Variants in KPNA3 observed in about 807,000 individuals in gnomAD.
KPNA3 encodes the protein importin subunit alpha-4.
A neutral mutation model predicts 73.8 loss-of-function variants in KPNA3; 13 were observed. That is an observed-to-expected ratio of 0.18 (90% confidence interval 0.11 to 0.28). The LOEUF (loss-of-function observed/expected upper bound fraction) is 0.28. KPNA3 is among the 10% of genes least tolerant of loss of function. KPNA3 has a pLI of 1.00. For synonymous variants in KPNA3, 186 were observed against 206.9 expected (o/e 0.90, Z 0.87); for missense variants, 360 against 618.1 (o/e 0.58, Z 4.43).
rs1048963592 is a variant in KPNA3 at position 49,757,185 on chromosome 13, T to C, written c.70-10192A>G. 2.6e-5 allele frequency among the ~76,000 whole-genome samples: 4 copies of C among 152,070 alleles called. No individual in the cohort carries two copies. The South Asian group carries it at 6.2e-4, about 24-fold the overall frequency. ...TCCATAACAGAAATAGTTGGTAAAC[T>C]AGACCTCATCAAAATAAAAAACTAT... On this transcript the variant is annotated intron_variant, in intron 1 of 16. Transcript: ENST00000261667.
intron 9 of KPNA3, 139 bp downstream of exon 9, chr13:49,721,816 T>C (rs528561287): frequency 3.7e-6 from 2 of 542,692 alleles, no homozygotes; most frequent in Non-Finnish European, 5.9e-6. Context: ...CAAGACTCCG[T>C]TATCAAACAA....
chr13:49,745,362 A>ATTT (rs71078886), intron 2 of KPNA3, among the ~76,000 whole-genome samples: 2 of 145,156 alleles, frequency 1.4e-5, no homozygotes, highest in Non-Finnish European at 3.0e-5. Context: ...CAAGACGGTA[A>ATTT]TTTTTTTTTT....
At chr13:49,717,601 C>G (rs553976491) in intron 10 of KPNA3, among the ~76,000 whole-genome samples, 1 of 152,146 alleles carries the variant, frequency 6.6e-6, no homozygotes, top group South Asian at 2.1e-4. Flanking sequence ...TGTGAAAATC[C>G]TATTCATCCT....
intron 1 of KPNA3, among the ~76,000 whole-genome samples, chr13:49,748,156 G>A (rs1452918819): frequency 6.6e-6 from 1 of 152,066 alleles, no homozygotes; most frequent in Non-Finnish European, 1.5e-5. Context: ...AATAAATTAT[G>A]GTTTTGCTTA....
chr13:49,767,719 C>T (rs150955825), intron 1 of KPNA3, among the ~76,000 whole-genome samples: 34 of 152,236 alleles, frequency 2.2e-4, no homozygotes, highest in Middle Eastern at 3.4e-3. Flanking sequence ...ATTACTTAAC[C>T]TCTCTGAACC....
Position 49,711,089 on chromosome 13 carries a change from C to T in KPNA3, c.772-67G>A, listed in dbSNP as rs193005337. 192 of 1,445,358 alleles carry T rather than the reference C, an allele frequency of 1.3e-4. 2 individuals are homozygous for T. In the Admixed American group the frequency reaches 4.6e-3, roughly 34 times the overall value. 89.5% of individuals were successfully genotyped at this position (1,445,358 alleles called of 1,614,324 possible). A position where few individuals can be genotyped will look rare whatever the true frequency, so the allele number is the denominator to read the frequency against. On this transcript the variant is annotated intron_variant, in intron 10 of 16. Transcript: ENST00000261667. ...TGAATGCTTTACTTGTTCAACACAC[C>T]TCAGGAGTAGTGACAGAAAAAGTAA... is the stretch of plus-strand genomic sequence containing the variant.
At chr13:49,767,230 A>G (rs1385566798) in intron 1 of KPNA3, among the ~76,000 whole-genome samples, 1 of 151,906 alleles carries the variant, frequency 6.6e-6, no homozygotes, top group African/African-American at 2.4e-5. Flanking sequence ...CAGCCTGGCC[A>G]ACATGGTGAA....
intron 2 of KPNA3, among the ~76,000 whole-genome samples, chr13:49,736,476 G>A (rs1009331199): frequency 1.3e-5 from 2 of 151,874 alleles, no homozygotes; most frequent in Non-Finnish European, 2.9e-5. Context: ...TGCTTTTTTC[G>A]ATACTAACTT....
At chr13:49,704,422 ATAAATAAAT>A (rs1377528324) in intron 15 of KPNA3, among the ~76,000 whole-genome samples, 4,045 of 117,230 alleles carry the variant, frequency 0.035, 131 homozygotes, top group Non-Finnish European at 0.049. Context: ...CAAAAAAAAA[ATAAATAAAT>A]AAAAAATAAA....
chr13:49,704,655 C>T (rs1954189546), intron 15 of KPNA3, among the ~76,000 whole-genome samples: 1 of 151,966 alleles, frequency 6.6e-6, no homozygotes, highest in African/African-American at 2.4e-5. Flanking sequence ...CATGTTAGTA[C>T]ATATTGAACA....
chr13:49,777,821 T>C (rs1954909728), intron 1 of KPNA3, among the ~76,000 whole-genome samples: 1 of 152,156 alleles, frequency 6.6e-6, no homozygotes. Flanking sequence ...GTATTATTTT[T>C]TAGTAAAATC....
intron 6 of KPNA3, among the ~76,000 whole-genome samples, chr13:49,728,249 AAAG>A (rs1200272110): frequency 6.6e-6 from 1 of 152,028 alleles, no homozygotes; most frequent in African/African-American, 2.4e-5. Context: ...AAAAAAAAAA[AAAG>A]GACAAGTCGA....
chr13:49,767,751 C>T (rs925387291), intron 1 of KPNA3, among the ~76,000 whole-genome samples: 3 of 152,122 alleles, frequency 2.0e-5, no homozygotes, highest in Admixed American at 1.3e-4. Context: ...ACTTAGGAAA[C>T]GAGGATATCA....
intron 2 of KPNA3, among the ~76,000 whole-genome samples, chr13:49,733,706 C>T (rs181333994): frequency 1.3e-5 from 2 of 152,352 alleles, no homozygotes; most frequent in African/African-American, 2.4e-5. Flanking sequence ...CTTGCTTTGG[C>T]AATGGGACAT....
In KPNA3 at chr13:49,706,281, T is replaced by A. The variant is rs762064071; in HGVS notation, c.1124A>T (p.His375Leu). The change falls in exon 13 of 17, where the codon CAT becomes CTT. Residue 375 changes from histidine (H) to leucine (L), a missense_variant. By Grantham distance (99) the His-to-Leu change is moderately conservative. Coordinates refer to ENST00000261667, the MANE Select transcript of KPNA3 (RefSeq NM_002267.4). The stretch of plus-strand genomic sequence containing the variant: ...AATATGACCAACCTTAGCAAGCTGA[T>A]GAATTATCATAGGAATTAATCCAGC... ...IDAGLIPMII[H>L]QLAKGDFGTQ... 2.5e-6 allele frequency: 4 copies of A among 1,613,770 alleles called. No homozygotes were observed. The highest frequency in any genetic ancestry group is 3.4e-6 in the Non-Finnish European group (4 of 1,179,868).
At chr13:49,746,271 GAC>G (rs893871060) in intron 2 of KPNA3, among the ~76,000 whole-genome samples, 2 of 152,088 alleles carry the variant, frequency 1.3e-5, no homozygotes, top group African/African-American at 4.8e-5. Context: ...AACATAGTGA[GAC>G]CTAGTCTCTA....
In KPNA3 at chr13:49,715,952, C is replaced by G. The variant is rs1160603998; in HGVS notation, c.771+3823G>C. 2.0e-5 allele frequency among the ~76,000 whole-genome samples: 3 copies of G among 152,184 alleles called. No homozygotes were observed. In the South Asian group the frequency reaches 6.2e-4, roughly 32 times the overall value. On this transcript the variant is annotated intron_variant, in intron 10 of 16. Transcript: ENST00000261667. Reference sequence around the variant, plus strand: ...CAAAACAGAATCCTGTGCAAAACAACATGATGCCTTAAGATGTTTCTCCAT... The same window carrying G: ...CAAAACAGAATCCTGTGCAAAACAAGATGATGCCTTAAGATGTTTCTCCAT...
At chr13:49,767,487 T>C (rs1427266346) in intron 1 of KPNA3, among the ~76,000 whole-genome samples, 1 of 152,066 alleles carries the variant, frequency 6.6e-6, no homozygotes. Flanking sequence ...TTACAAATTA[T>C]ATTTTCATTA....
chr13:49,706,035 C>A, intron 14 of KPNA3, 63 bp downstream of exon 14: 1 of 1,420,378 alleles, frequency 7.0e-7, no homozygotes, highest in South Asian at 1.2e-5. Flanking sequence ...AACTACGAAA[C>A]ATAAGAGAGC....
Sources: gnomAD v4.1 joint callset for allele counts (sites outside exome capture counted in the v4.1 genomes callset) on GRCh38, gnomAD v4.1.1 for gene constraint, MANE v1.5 for transcripts, NCBI Gene and HGNC (gene_info 2026-07-23, HGNC 2026-07-21) for gene names.